DCC: variants seen among roughly 807,000 people sequenced by gnomAD.
DCC encodes netrin receptor DCC.
A neutral mutation model predicts 172.5 loss-of-function variants in DCC; 58 were observed. That is an observed-to-expected ratio of 0.34 (90% CI 0.27 to 0.42). The LOEUF (loss-of-function observed/expected upper bound fraction) is 0.42, where lower values mean the gene tolerates loss of function less well. Ranked by LOEUF, DCC falls within the 10% of genes least tolerant of loss-of-function variation. The pLI, the probability that DCC is intolerant of heterozygous loss-of-function variation, is 1.00. For missense variants in DCC, 1,740 were observed against 1,791.0 expected (o/e 0.97, Z 0.51); for synonymous variants, 709 against 644.5 (o/e 1.10, Z -1.52).
intron 2 of DCC, among the ~76,000 whole-genome samples, chr18:52,817,709 A>G (rs1023298518): frequency 3.9e-5 from 6 of 152,160 alleles, no homozygotes; most frequent in Admixed American, 2.0e-4. Flanking sequence ...AGACACCCAC[A>G]TATTTCTTAA....
chr18:53,381,995 T>C (rs1224523117), intron 15 of DCC, among the ~76,000 whole-genome samples: 2 of 151,786 alleles, frequency 1.3e-5, no homozygotes, highest in African/African-American at 4.8e-5. Context: ...CAAGATCCTC[T>C]CTGACCTAGT....
chr18:52,906,347 T>C lies in DCC; in HGVS notation c.697+19T>C. On this transcript the variant is annotated intron_variant, in intron 3 of 28. Coordinates refer to ENST00000442544, the MANE Select transcript of DCC (RefSeq NM_005215.4). The stretch of plus-strand genomic sequence containing the variant: ...TTATCAGGTATTGCAATGCTCTTTG[T>C]TGCCTTCAGAATGATATTCTCTGGA... 6.2e-7 allele frequency: 1 copy of C among 1,613,006 alleles called. No homozygotes were observed. Among genetic ancestry groups the C allele is most frequent in the East Asian group, 2.2e-5 (1 of 44,860 alleles).
At chr18:52,349,055 C>A (rs1393493975) in intron 1 of DCC, among the ~76,000 whole-genome samples, 3 of 152,122 alleles carry the variant, frequency 2.0e-5, no homozygotes, top group Non-Finnish European at 4.4e-5. Flanking sequence ...AGTTAAAAAT[C>A]TTAATATGAT....
At chr18:53,503,628 G>GT (rs1598816615) in intron 27 of DCC, among the ~76,000 whole-genome samples, 2 of 152,192 alleles carry the variant, frequency 1.3e-5, no homozygotes, top group East Asian at 1.9e-4. Context: ...GGGTGTGTGG[G>GT]TTTTTTTCTT....
At chr18:53,353,260 G>A (rs1443644659) in intron 15 of DCC, among the ~76,000 whole-genome samples, 2 of 146,786 alleles carry the variant, frequency 1.4e-5, no homozygotes, top group Admixed American at 1.4e-4. Flanking sequence ...GGCAACAAGA[G>A]TGAAACTCCA....
At chr18:52,649,097 G>A (rs534763332) in intron 1 of DCC, among the ~76,000 whole-genome samples, 34 of 152,272 alleles carry the variant, frequency 2.2e-4, no homozygotes, top group African/African-American at 7.7e-4. Context: ...TTTATGGCCG[G>A]GCGCGGTGGC....
At chr18:52,512,371 T>C (rs985705453) in intron 1 of DCC, among the ~76,000 whole-genome samples, 12 of 152,144 alleles carry the variant, frequency 7.9e-5, no homozygotes, top group Non-Finnish European at 1.2e-4. Context: ...CTCCACATAA[T>C]CACATGATTA....
chr18:52,809,629 TCAG>T (rs1469656161), intron 2 of DCC, among the ~76,000 whole-genome samples: 2 of 152,042 alleles, frequency 1.3e-5, no homozygotes, highest in South Asian at 2.1e-4. Flanking sequence ...GGGGTGGAAA[TCAG>T]CAGTGGGTCT....
At chr18:52,996,133 G>A (rs1444456740) in intron 5 of DCC, among the ~76,000 whole-genome samples, 1 of 151,956 alleles carries the variant, frequency 6.6e-6, no homozygotes, top group Admixed American at 6.6e-5. Context: ...GTTTAGTACT[G>A]CATAGCGATG....
At chr18:53,274,914 G>A (rs1284693399) in intron 12 of DCC, among the ~76,000 whole-genome samples, 1 of 152,088 alleles carries the variant, frequency 6.6e-6, no homozygotes, top group African/African-American at 2.4e-5. Context: ...GCATATTACA[G>A]TACGGGGAAG....
intron 7 of DCC, among the ~76,000 whole-genome samples, chr18:53,091,088 C>G (rs1000779900): frequency 2.0e-5 from 3 of 151,812 alleles, no homozygotes; most frequent in Admixed American, 1.3e-4. Context: ...AAGTTGAGCC[C>G]CAACTCTCTA....
Position 53,402,832 on chromosome 18 carries a change from G to T in DCC, c.2874G>T (p.Gly958=), listed in dbSNP as rs371032400. 6.2e-7 allele frequency: 1 copy of T among 1,613,996 alleles called. No homozygotes were observed. ...PKDLTVITRE[G]KPRAVIVSWQ... Reference sequence around the variant, plus strand: ...ACTTGACAGTCATTACTAGGGAAGGGAAGCCTCGTGCCGTCATTGTGAGTT... The same window carrying T: ...ACTTGACAGTCATTACTAGGGAAGGTAAGCCTCGTGCCGTCATTGTGAGTT... The change falls in exon 19 of 29, where the codon GGG becomes GGT. Residue 958 remains glycine, a synonymous_variant. Coordinates refer to ENST00000442544, the MANE Select transcript of DCC (RefSeq NM_005215.4).
chr18:52,918,493 T>C (rs1014968886), intron 3 of DCC, among the ~76,000 whole-genome samples: 1 of 152,182 alleles, frequency 6.6e-6, no homozygotes, highest in African/African-American at 2.4e-5. Context: ...TCATTAACTT[T>C]TATAATTGTT....
chr18:52,737,583 C>T (rs9948029), intron 1 of DCC, among the ~76,000 whole-genome samples: 5,522 of 151,970 alleles, frequency 0.036, 138 homozygotes, highest in Admixed American at 0.048. Flanking sequence ...TTGGTGAAGC[C>T]CCTGGAATAG....
intron 5 of DCC, among the ~76,000 whole-genome samples, chr18:53,013,806 T>G (rs1386930297): frequency 6.6e-6 from 1 of 152,154 alleles, no homozygotes; most frequent in Admixed American, 6.6e-5. Flanking sequence ...TCAAAAACTC[T>G]TATTTCCTTG....
chr18:52,825,194 A>T (rs183471216), intron 2 of DCC, among the ~76,000 whole-genome samples: 45 of 152,296 alleles, frequency 3.0e-4, no homozygotes, highest in African/African-American at 1.1e-3. Context: ...AATGGATGCT[A>T]ACCATCCTAT....
intron 23 of DCC, among the ~76,000 whole-genome samples, chr18:53,458,670 G>GTGA (rs1814995243): frequency 6.6e-6 from 1 of 152,194 alleles, no homozygotes; most frequent in Non-Finnish European, 1.5e-5. Flanking sequence ...TGGACACTCA[G>GTGA]TGATGCCAAG....
intron 5 of DCC, among the ~76,000 whole-genome samples, chr18:53,053,174 A>G (rs1190344026): frequency 6.6e-6 from 1 of 151,970 alleles, no homozygotes; most frequent in East Asian, 1.9e-4. Flanking sequence ...AACAAACAAA[A>G]CAAAACAACA....
intron 5 of DCC, among the ~76,000 whole-genome samples, chr18:53,038,941 A>G (rs879270162): frequency 6.6e-5 from 10 of 152,016 alleles, no homozygotes; most frequent in African/African-American, 1.2e-4. Flanking sequence ...GACACTTGAC[A>G]TTAGAAAAGA....
Sources: gnomAD v4.1 joint callset for allele counts (sites outside exome capture counted in the v4.1 genomes callset) on GRCh38, gnomAD v4.1.1 for gene constraint, MANE v1.5 for transcripts, NCBI Gene and HGNC (gene_info 2026-07-23, HGNC 2026-07-21) for gene names.